The following DOK5 variants were observed in gnomAD, a reference collection of about 807,000 sequenced individuals.
DOK5 encodes docking protein 5, also known as downstream of tyrosine kinase 5.
A neutral mutation model predicts 43.3 loss-of-function variants in DOK5; 27 were observed. The observed-to-expected ratio is 0.62, with a 90% CI of 0.46 to 0.86. The LOEUF (loss-of-function observed/expected upper bound fraction) is 0.86. Among genes scored for constraint, DOK5 ranks in the 40% least tolerant of loss-of-function variants. DOK5 has a pLI of 0.00. For missense variants in DOK5, 373 were observed against 392.9 expected (o/e 0.95, Z 0.43); for synonymous variants, 146 against 140.1 (o/e 1.04, Z -0.30).
intron 2 of DOK5, among the ~76,000 whole-genome samples, chr20:54,570,475 C>G (rs1202078602): frequency 6.6e-6 from 1 of 152,210 alleles, no homozygotes; most frequent in African/African-American, 2.4e-5. Context: ...GAATTGCTCA[C>G]TTAATTCATT....
chr20:54,482,663 A>ATT (rs1568747341), intron 1 of DOK5, among the ~76,000 whole-genome samples: 1 of 152,078 alleles, frequency 6.6e-6, no homozygotes, highest in Non-Finnish European at 1.5e-5. Flanking sequence ...CAGTTGGCTA[A>ATT]TTTTGGTATT....
At chr20:54,522,493 AGTT>A (rs1983438543) in intron 1 of DOK5, among the ~76,000 whole-genome samples, 1 of 151,742 alleles carries the variant, frequency 6.6e-6, no homozygotes, top group South Asian at 2.1e-4. Context: ...GAGAAAACAA[AGTT>A]GTTTTCTTTT....
At chr20:54,476,275 T>C in intron 1 of DOK5, 20 of 908,278 alleles carry the variant, frequency 2.2e-5, no homozygotes, top group Non-Finnish European at 2.6e-5. Flanking sequence ...GGAGCCCATC[T>C]ACTCGAAATA....
chr20:54,481,893 T>C (rs1981736189), intron 1 of DOK5, among the ~76,000 whole-genome samples: 1 of 152,206 alleles, frequency 6.6e-6, no homozygotes. Flanking sequence ...CATAAAGAGC[T>C]TAACACAGTG....
At chr20:54,479,573 C>T (rs1981583714) in intron 1 of DOK5, among the ~76,000 whole-genome samples, 1 of 152,188 alleles carries the variant, frequency 6.6e-6, no homozygotes, top group Non-Finnish European at 1.5e-5. Flanking sequence ...ATTTTCCAAT[C>T]AATCATTGTC....
chr20:54,490,095 C>CT (rs1284639089), intron 1 of DOK5, among the ~76,000 whole-genome samples: 1 of 152,094 alleles, frequency 6.6e-6, no homozygotes, highest in East Asian at 1.9e-4. Context: ...GTTGTGCAGG[C>CT]TTTTTTCTTT....
Position 54,574,732 on chromosome 20 carries a change from A to T in DOK5, c.175-13751A>T, listed in dbSNP as rs753305158. Among the ~76,000 whole-genome samples, 76 of 152,320 alleles carry T rather than the reference A, an allele frequency of 5.0e-4. 1 individual carries two copies. Among genetic ancestry groups the T allele is most frequent in the Admixed American group, 3.9e-4 (6 of 15,304 alleles). The stretch of plus-strand genomic sequence containing the variant: ...TATCTTGAACCTGGCAATCATAGAC[A>T]TGTGGGCTTAGGAGGACAAATTGGG... On this transcript the variant is annotated intron_variant, in intron 2 of 7. Coordinates refer to ENST00000262593, the MANE Select transcript of DOK5 (RefSeq NM_018431.5).
At chr20:54,587,757 T>A (rs550806135) in intron 2 of DOK5, among the ~76,000 whole-genome samples, 1 of 152,154 alleles carries the variant, frequency 6.6e-6, no homozygotes, top group Non-Finnish European at 1.5e-5. Context: ...AGAGAGAACG[T>A]CTAGTGGGGA....
intron 1 of DOK5, among the ~76,000 whole-genome samples, chr20:54,478,814 A>G (rs545125896): frequency 6.6e-6 from 1 of 152,336 alleles, no homozygotes; most frequent in Non-Finnish European, 1.5e-5. Flanking sequence ...AGTCTAGAAC[A>G]TTGATTCTGC....
intron 2 of DOK5, among the ~76,000 whole-genome samples, chr20:54,567,699 C>A (rs747302021): frequency 6.6e-6 from 1 of 151,992 alleles, no homozygotes; most frequent in Non-Finnish European, 1.5e-5. Flanking sequence ...TAAAAATAAG[C>A]CTGTCTATAT....
chr20:54,491,895 G>A (rs1267214507), intron 1 of DOK5, among the ~76,000 whole-genome samples: 2 of 151,664 alleles, frequency 1.3e-5, no homozygotes, highest in African/African-American at 4.9e-5. Context: ...AAAAAGCAGA[G>A]TTTAATTTCT....
At chr20:54,599,359 T>C (rs952507715) in intron 5 of DOK5, among the ~76,000 whole-genome samples, 2 of 152,104 alleles carry the variant, frequency 1.3e-5, no homozygotes, top group African/African-American at 4.8e-5. Flanking sequence ...TAATTTTAAT[T>C]ACAAAGATAA....
chr20:54,650,414 G>C lies in DOK5; in HGVS notation c.857-1G>C. On this transcript the variant is annotated splice_acceptor_variant, in intron 7 of 7. Coordinates refer to ENST00000262593, the MANE Select transcript of DOK5 (RefSeq NM_018431.5). LOFTEE classifies it high-confidence loss of function. ...TTGATTTTAAATTCTTTTTGGAAAAGATGTTTCCAGCCCTCTGAAGCTTCA... is the reference window on the plus strand; with the variant it reads ...TTGATTTTAAATTCTTTTTGGAAAACATGTTTCCAGCCCTCTGAAGCTTCA... 1 of 1,613,792 alleles carries C rather than the reference G, an allele frequency of 6.2e-7. No individual in the cohort carries two copies.
At chr20:54,548,328 T>C (rs761601902) in intron 1 of DOK5, among the ~76,000 whole-genome samples, 3 of 152,064 alleles carry the variant, frequency 2.0e-5, no homozygotes, top group African/African-American at 7.2e-5. Flanking sequence ...TCCACTTCCC[T>C]GGGCTCAGAT....
chr20:54,492,091 A>G (rs1982201215), intron 1 of DOK5, among the ~76,000 whole-genome samples: 1 of 151,912 alleles, frequency 6.6e-6, no homozygotes, highest in South Asian at 2.1e-4. Flanking sequence ...ATATATATAA[A>G]TTCTTTTAAT....
chr20:54,573,841 C>T (rs1232816002), intron 2 of DOK5, among the ~76,000 whole-genome samples: 5 of 151,920 alleles, frequency 3.3e-5, no homozygotes, highest in Admixed American at 3.3e-4. Context: ...AAAGAGCTGC[C>T]CACTAGATAA....
At chr20:54,588,359 A>G (rs1985875321) in intron 2 of DOK5, 124 bp from the exon 3 acceptor site, 1 of 721,760 alleles carries the variant, frequency 1.4e-6, no homozygotes, top group Non-Finnish European at 2.4e-6. Flanking sequence ...AGATGTAGAT[A>G]CTTTTTCAAC....
At chr20:54,481,132 A>ATCTG (rs751051328) in intron 1 of DOK5, among the ~76,000 whole-genome samples, 22 of 22,938 alleles carry the variant, frequency 9.6e-4, no homozygotes, top group Non-Finnish European at 2.0e-3. Flanking sequence ...TGTATCTATC[A>ATCTG]TCTATCTATC....
chr20:54,575,459 GAGAC>G (rs1159426790), intron 2 of DOK5, among the ~76,000 whole-genome samples: 1 of 151,930 alleles, frequency 6.6e-6, no homozygotes, highest in Non-Finnish European at 1.5e-5. Flanking sequence ...TTTCATTTTT[GAGAC>G]AGAGTCTCGC....
Sources: allele counts gnomAD v4.1 joint callset (sites outside exome capture counted in the v4.1 genomes callset), GRCh38; gene constraint gnomAD v4.1.1; transcripts MANE v1.5; gene names NCBI Gene and HGNC (gene_info 2026-07-23, HGNC 2026-07-21).